The following ITGBL1 variants were observed in gnomAD, a reference collection of about 807,000 sequenced individuals.
The protein encoded by ITGBL1 is integrin subunit beta like 1.
A neutral mutation model predicts 68.5 loss-of-function variants in ITGBL1; 51 were observed. That is an observed-to-expected ratio of 0.74 (90% CI 0.59 to 0.94). The LOEUF is 0.94. ITGBL1 is among the 40% of genes least tolerant of loss of function. The pLI is 0.00. For missense variants in ITGBL1, 649 were observed against 647.4 expected (o/e 1.00, Z -0.03); for synonymous variants, 209 against 227.3 (o/e 0.92, Z 0.72).
At chr13:101,659,881 C>T (rs952619074) in intron 7 of ITGBL1, among the ~76,000 whole-genome samples, 1 of 152,148 alleles carries the variant, frequency 6.6e-6, no homozygotes, top group Non-Finnish European at 1.5e-5. Context: ...AGATATGATG[C>T]AACTCAGCCT....
intron 8 of ITGBL1, among the ~76,000 whole-genome samples, chr13:101,697,287 T>C (rs1189439617): frequency 6.6e-6 from 1 of 152,182 alleles, no homozygotes; most frequent in African/African-American, 2.4e-5. Flanking sequence ...CACCCATTAA[T>C]TGATCATCCT....
At chr13:101,662,889 G>A (rs933017470) in intron 7 of ITGBL1, among the ~76,000 whole-genome samples, 19 of 151,288 alleles carry the variant, frequency 1.3e-4, no homozygotes, top group Non-Finnish European at 2.4e-4. Context: ...TTGACTATTC[G>A]CTTTTGTCTT....
At chr13:101,551,458 T>C (rs1026456186) in intron 2 of ITGBL1, among the ~76,000 whole-genome samples, 1 of 152,094 alleles carries the variant, frequency 6.6e-6, no homozygotes, top group African/African-American at 2.4e-5. Flanking sequence ...CAAGGCTCCT[T>C]GAAAGGAATG....
intron 6 of ITGBL1, among the ~76,000 whole-genome samples, chr13:101,588,191 C>A (rs556959874): frequency 6.6e-6 from 1 of 152,234 alleles, no homozygotes; most frequent in African/African-American, 2.4e-5. Flanking sequence ...TTGGACCACT[C>A]AATGGCTGCT....
chr13:101,692,577 CT>C lies in ITGBL1; in HGVS notation c.1016-5del. 1 of 1,592,220 alleles carries C rather than the reference CT, an allele frequency of 6.3e-7. No individual in the cohort carries two copies. The highest frequency in any genetic ancestry group is 8.6e-7 in the Non-Finnish European group (1 of 1,160,134). ...CTCATAAGTGTGCACTTTCTTTATA[CT>C]TTCCAGGTAAATGTGAATGTGGCAA... is the stretch of plus-strand genomic sequence containing the variant. On this transcript the variant is annotated splice_polypyrimidine_tract_variant and splice_region_variant and intron_variant, in intron 7 of 10. Coordinates refer to ENST00000376180, the MANE Select transcript of ITGBL1 (RefSeq NM_004791.3).
chr13:101,563,234 A>T (rs981160028), intron 2 of ITGBL1, among the ~76,000 whole-genome samples: 4 of 151,362 alleles, frequency 2.6e-5, no homozygotes, highest in Non-Finnish European at 5.9e-5. Context: ...CTTCTACCCT[A>T]GAAAATAGAA....
chr13:101,472,943 A>G (rs931500196), intron 2 of ITGBL1, among the ~76,000 whole-genome samples: 3 of 152,172 alleles, frequency 2.0e-5, no homozygotes, highest in Non-Finnish European at 4.4e-5. Flanking sequence ...ATATTGATAT[A>G]TAAATTAAGA....
rs548765289 is a variant in ITGBL1 at position 101,635,583 on chromosome 13, T to C, written c.1015+37284T>C. On this transcript the variant is annotated intron_variant, in intron 7 of 10. Transcript: ENST00000376180. ...TATATGAAATGTGGCCATATTTCAA[T>C]GAGTGCTATTGTTCAAATACTTGCT... Among the ~76,000 whole-genome samples the C allele has an allele frequency of 1.1e-4, 16 of 152,212 alleles. No homozygotes were observed. In the East Asian group the frequency reaches 2.7e-3, roughly 26 times the overall value.
At chr13:101,664,593 A>T (rs1158039346) in intron 7 of ITGBL1, among the ~76,000 whole-genome samples, 1 of 152,172 alleles carries the variant, frequency 6.6e-6, no homozygotes, top group Non-Finnish European at 1.5e-5. Context: ...CAATTTATTG[A>T]AAAATAAACT....
chr13:101,720,231 A>G (rs2034881903), downstream of ITGBL1: 1 of 152,070 alleles, frequency 6.6e-6, no homozygotes, highest in South Asian at 2.1e-4. Context: ...TCCTCTTCCC[A>G]TGCTACAGGT....
chr13:101,694,771 T>C (rs1277313801), intron 8 of ITGBL1, among the ~76,000 whole-genome samples: 2 of 152,164 alleles, frequency 1.3e-5, no homozygotes, highest in African/African-American at 4.8e-5. Context: ...TTTGGAGTAA[T>C]CTCAGTCTCT....
intron 7 of ITGBL1, among the ~76,000 whole-genome samples, chr13:101,604,045 A>G (rs1161955558): frequency 6.6e-6 from 1 of 151,982 alleles, no homozygotes; most frequent in Non-Finnish European, 1.5e-5. Flanking sequence ...GAAATGAACA[A>G]AATGTATACT....
chr13:101,485,650 G>A (rs2048690985), intron 2 of ITGBL1, among the ~76,000 whole-genome samples: 1 of 152,052 alleles, frequency 6.6e-6, no homozygotes, highest in South Asian at 2.1e-4. Flanking sequence ...AAATTACCTG[G>A]GCGTGGTGGC....
At position 101,669,979 on chromosome 13, in the gene ITGBL1, T is replaced by A. The variant is rs75487209; in HGVS notation, c.1016-22606T>A. Among the ~76,000 whole-genome samples the A allele has an allele frequency of 3.1e-3, 472 of 152,262 alleles. 2 individuals carry two copies. The highest frequency in any genetic ancestry group is 0.011 in the African/African-American group (444 of 41,550). Reference sequence around the variant, plus strand: ...TAAAGTTGTGACTCTCTCCATTGACTTTTTAGTCAGCTCCTACTGCCTTTT... The same window carrying A: ...TAAAGTTGTGACTCTCTCCATTGACATTTTAGTCAGCTCCTACTGCCTTTT... On this transcript the variant is annotated intron_variant, in intron 7 of 10. Coordinates refer to ENST00000376180, the MANE Select transcript of ITGBL1 (RefSeq NM_004791.3).
intron 7 of ITGBL1, among the ~76,000 whole-genome samples, chr13:101,689,718 A>T (rs568057916): frequency 3.9e-5 from 6 of 152,310 alleles, no homozygotes; most frequent in South Asian, 2.1e-4. Flanking sequence ...TTAACTTTTT[A>T]AAAAATGTTG....
chr13:101,650,074 C>G (rs1295602924), intron 7 of ITGBL1, among the ~76,000 whole-genome samples: 1 of 143,512 alleles, frequency 7.0e-6, no homozygotes, highest in East Asian at 2.1e-4. Context: ...AGATAATTAG[C>G]GTTTTTTTCT....
intron 7 of ITGBL1, among the ~76,000 whole-genome samples, chr13:101,649,014 G>A (rs1218737805): frequency 6.6e-6 from 1 of 152,040 alleles, no homozygotes; most frequent in Non-Finnish European, 1.5e-5. Flanking sequence ...ATCTACATAA[G>A]ATTTTAAAGA....
intron 2 of ITGBL1, among the ~76,000 whole-genome samples, chr13:101,538,409 G>A (rs2049617710): frequency 6.6e-6 from 1 of 152,002 alleles, no homozygotes; most frequent in African/African-American, 2.4e-5. Context: ...GGGTTAAGAA[G>A]GCTTTCAAAT....
At chr13:101,610,329 T>C (rs2031064292) in intron 7 of ITGBL1, among the ~76,000 whole-genome samples, 1 of 152,064 alleles carries the variant, frequency 6.6e-6, no homozygotes, top group Admixed American at 6.6e-5. Flanking sequence ...TGAGGCACAG[T>C]GTTATCCCTT....
Sources: gnomAD v4.1 joint callset for allele counts (sites outside exome capture counted in the v4.1 genomes callset) on GRCh38, gnomAD v4.1.1 for gene constraint, MANE v1.5 for transcripts, NCBI Gene and HGNC (gene_info 2026-07-23, HGNC 2026-07-21) for gene names.